The following PEX5L variants were observed in gnomAD, a reference collection of about 807,000 sequenced individuals.
The protein encoded by PEX5L is PEX5-related protein.
PEX5L carries 30 observed loss-of-function variants against 84.0 expected under a neutral mutation model. That is an observed-to-expected ratio of 0.36 (90% confidence interval 0.27 to 0.48). The LOEUF is 0.48. Among genes scored for constraint, PEX5L ranks in the 20% least tolerant of loss-of-function variants. The pLI is 0.99. For synonymous variants in PEX5L, 270 were observed against 283.1 expected, an observed-to-expected ratio of 0.95 and a Z score of 0.46; for missense variants, 533 against 754.6, an observed-to-expected ratio of 0.71 and a Z score of 3.44.
intron 2 of PEX5L, among the ~76,000 whole-genome samples, chr3:179,966,996 G>A (rs1057058661): frequency 2.0e-5 from 3 of 152,152 alleles, no homozygotes; most frequent in African/African-American, 7.2e-5. Context: ...GCTTTAAGGG[G>A]CATTTATCTC....
rs183601821 is a variant in PEX5L, at chr3:179,967,968, G to A, written c.93+3626C>T. On this transcript the variant is annotated intron_variant, in intron 2 of 14. Coordinates refer to ENST00000467460, the MANE Select transcript of PEX5L (RefSeq NM_016559.3). ...AGCTTGAGAACTATTGCTCTGACCT[G>A]GATATACTTGTTCCCCTTGTAACTG... 1.2e-3 allele frequency among the ~76,000 whole-genome samples: 179 copies of A among 152,194 alleles called. 1 individual carries two copies. The highest frequency in any genetic ancestry group is 6.8e-3 in the Middle Eastern group (2 of 294).
At chr3:179,986,745 A>G (rs1786891127) in intron 1 of PEX5L, among the ~76,000 whole-genome samples, 1 of 152,184 alleles carries the variant, frequency 6.6e-6, no homozygotes, top group Non-Finnish European at 1.5e-5. Context: ...AAGGTCACAC[A>G]ACCTATAAAT....
Position 179,856,965 on chromosome 3 carries a change from C to G in PEX5L, c.822+2097G>C, listed in dbSNP as rs369372643. 1.6e-4 allele frequency among the ~76,000 whole-genome samples: 24 copies of G among 152,248 alleles called. No individual in the cohort carries two copies. The East Asian group carries it at 3.3e-3, about 21-fold the overall frequency. Reference sequence around the variant, plus strand: ...GTTTGTCCAAATTGGTCCTGTGGACCATGCTATTGTTAGACTGCTAAGTAA... The same window carrying G: ...GTTTGTCCAAATTGGTCCTGTGGACGATGCTATTGTTAGACTGCTAAGTAA... On this transcript the variant is annotated intron_variant, in intron 8 of 14. Coordinates refer to ENST00000467460, the MANE Select transcript of PEX5L (RefSeq NM_016559.3).
intron 7 of PEX5L, 148 bp from the exon 8 acceptor site, chr3:179,859,305 T>C (rs1745181747): frequency 3.2e-6 from 2 of 631,972 alleles, no homozygotes; most frequent in Non-Finnish European, 5.6e-6. Context: ...TGTGCTGGTA[T>C]GATGTTGCCT....
chr3:180,023,291 C>T (rs1790582459), intron 1 of PEX5L, among the ~76,000 whole-genome samples: 1 of 152,182 alleles, frequency 6.6e-6, no homozygotes, highest in African/African-American at 2.4e-5. Flanking sequence ...GAACATCTCA[C>T]TGTCACAAAA....
At chr3:179,943,062 C>A (rs1328944065) in intron 2 of PEX5L, among the ~76,000 whole-genome samples, 1 of 152,132 alleles carries the variant, frequency 6.6e-6, no homozygotes, top group East Asian at 1.9e-4. Flanking sequence ...TAACATATAC[C>A]AAAGCACTTG....
At position 179,809,394 on chromosome 3, in the gene PEX5L, G is replaced by T. The variant is rs932548902; in HGVS notation, c.1352+77C>A. On this transcript the variant is annotated intron_variant, in intron 12 of 14. Coordinates refer to ENST00000467460, the MANE Select transcript of PEX5L (RefSeq NM_016559.3). ...GAGTGGGTGGTGTCTAGGGTGTGAG[G>T]CTCATTAGTTGCCCTTTAGGTGATT... The T allele has an allele frequency of 2.9e-5, 30 of 1,050,284 alleles. No individual in the cohort carries two copies. In the African/African-American group the frequency reaches 3.0e-4, roughly 10 times the overall value. 65.1% of individuals were successfully genotyped at this position (1,050,284 alleles called of 1,614,324 possible). A position where few individuals can be genotyped will look rare whatever the true frequency, so the allele number is the denominator to read the frequency against.
chr3:179,808,477 G>C (rs762473813), intron 12 of PEX5L, 40 bp from the exon 13 acceptor site: 1 of 1,307,358 alleles, frequency 7.6e-7, no homozygotes, highest in African/African-American at 1.5e-5. Context: ...AATCCAAATA[G>C]TCAGAACATA....
rs896338170 is a variant in PEX5L at position 179,988,387 on chromosome 3, T to C, written c.22-16722A>G. ...CTGGGCGACAGAGTGAAAATCTGCC[T>C]CAATAAATAAATAAATAAATAAATA... On this transcript the variant is annotated intron_variant, in intron 1 of 14. Coordinates refer to ENST00000467460, the MANE Select transcript of PEX5L (RefSeq NM_016559.3). Among the ~76,000 whole-genome samples the C allele has an allele frequency of 3.4e-5, 5 of 146,172 alleles. No homozygotes were observed. The East Asian group carries it at 9.9e-4, about 29-fold the overall frequency.
intron 8 of PEX5L, among the ~76,000 whole-genome samples, chr3:179,830,189 GA>G (rs967200232): frequency 2.0e-4 from 30 of 151,854 alleles, no homozygotes; most frequent in Admixed American, 8.5e-4. Flanking sequence ...TTGGAGGGGG[GA>G]AAAAACCTGT....
intron 3 of PEX5L, among the ~76,000 whole-genome samples, chr3:179,894,191 T>C (rs918519238): frequency 1.3e-5 from 2 of 152,144 alleles, no homozygotes; most frequent in Non-Finnish European, 2.9e-5. Flanking sequence ...TCTGTCAATA[T>C]AGTGACCATA....
intron 8 of PEX5L, among the ~76,000 whole-genome samples, chr3:179,840,177 G>GTTTTTTTT (rs1560319639): frequency 9.3e-6 from 1 of 107,878 alleles, no homozygotes; most frequent in African/African-American, 3.8e-5. Context: ...GTGTGTGTGT[G>GTTTTTTTT]TGTGTGTTTT....
chr3:179,955,054 A>G (rs944119744), intron 2 of PEX5L, among the ~76,000 whole-genome samples: 2 of 151,968 alleles, frequency 1.3e-5, no homozygotes, highest in African/African-American at 4.8e-5. Flanking sequence ...CCCTTTCCCT[A>G]ACTCCTGTCC....
intron 2 of PEX5L, among the ~76,000 whole-genome samples, chr3:179,912,830 C>A (rs115415305): frequency 1.9e-3 from 282 of 152,130 alleles, no homozygotes; most frequent in African/African-American, 6.4e-3. Context: ...CAAACCAGCT[C>A]GTTTAAAGGA....
At chr3:179,815,507 C>A (rs1577205889) in intron 10 of PEX5L, among the ~76,000 whole-genome samples, 1 of 152,310 alleles carries the variant, frequency 6.6e-6, no homozygotes, top group East Asian at 1.9e-4. Flanking sequence ...ATCGCTTGAA[C>A]CTGGGAGGCG....
In PEX5L at chr3:179,795,443, C is replaced by T. The variant is rs1042574984; in HGVS notation, c.*6385G>A. The T allele has an allele frequency of 2.6e-5, 4 of 152,084 alleles. No homozygotes were observed. The highest frequency in any genetic ancestry group is 4.4e-5 in the Non-Finnish European group (3 of 68,016). The allele number at this position is 152,084 out of a possible 1,614,324, so 9.4% of individuals were successfully genotyped here. On this transcript the variant is annotated 3_prime_UTR_variant, in exon 15 of 15. Transcript: ENST00000467460. ...TATTTTTATGGTAGTAATTTTATTT[C>T]AAAGAGCAACGCAGGGAAATACTAA...
intron 7 of PEX5L, among the ~76,000 whole-genome samples, chr3:179,862,225 A>G (rs148103633): frequency 5.1e-4 from 77 of 152,322 alleles, no homozygotes; most frequent in Non-Finnish European, 8.2e-4. Context: ...ATGTGGTTGC[A>G]TTTAGGGCCC....
chr3:180,002,144 G>A (rs1788482281), intron 1 of PEX5L, among the ~76,000 whole-genome samples: 3 of 152,120 alleles, frequency 2.0e-5, no homozygotes, highest in South Asian at 2.1e-4. Context: ...TAAAAAATAC[G>A]AGCATTCCTT....
At chr3:179,905,304 G>C (rs912835233) in intron 2 of PEX5L, among the ~76,000 whole-genome samples, 1 of 148,566 alleles carries the variant, frequency 6.7e-6, no homozygotes, top group African/African-American at 2.5e-5. Flanking sequence ...ATGGAGTCTC[G>C]CTCTGTCGCC....
Sources: allele counts gnomAD v4.1 joint callset (sites outside exome capture counted in the v4.1 genomes callset), GRCh38; gene constraint gnomAD v4.1.1; transcripts MANE v1.5; gene names NCBI Gene and HGNC (gene_info 2026-07-23, HGNC 2026-07-21).